SYN3: variants seen among roughly 807,000 people sequenced by gnomAD.
The protein encoded by SYN3 is synapsin-3.
In SYN3, 35 loss-of-function variants were observed where a neutral mutation model predicts 65.8. That is an observed-to-expected ratio of 0.53 (90% confidence interval 0.41 to 0.70). The LOEUF (loss-of-function observed/expected upper bound fraction) is 0.70. SYN3 is among the 30% of genes least tolerant of loss of function. The pLI, the probability that SYN3 is intolerant of heterozygous loss-of-function variation, is 0.00. For synonymous variants in SYN3, 270 were observed against 292.9 expected (o/e 0.92, Z 0.80); for missense variants, 680 against 749.0 (o/e 0.91, Z 1.08).
chr22:32,787,318 G>T (rs147481512), intron 6 of SYN3, among the ~76,000 whole-genome samples: 1 of 152,140 alleles, frequency 6.6e-6, no homozygotes, highest in Non-Finnish European at 1.5e-5. Flanking sequence ...AAAGTGCTGG[G>T]ATTACAGGCG....
intron 13 of SYN3, among the ~76,000 whole-genome samples, chr22:32,516,016 T>C (rs756346701): frequency 1.3e-5 from 2 of 152,138 alleles, no homozygotes; most frequent in South Asian, 2.1e-4. Context: ...GCCAGGATGG[T>C]CTCGATCTCC....
At chr22:32,599,612 C>T (rs1047107613) in intron 6 of SYN3, among the ~76,000 whole-genome samples, 7 of 152,104 alleles carry the variant, frequency 4.6e-5, no homozygotes, top group South Asian at 4.1e-4. Context: ...TGAGCCACTG[C>T]GCCGGAAGTC....
intron 6 of SYN3, among the ~76,000 whole-genome samples, chr22:32,645,735 C>T (rs1477578955): frequency 6.6e-6 from 1 of 152,092 alleles, no homozygotes; most frequent in East Asian, 1.9e-4. Context: ...GTTTCCAAAA[C>T]CCAAGTTCTT....
chr22:32,915,927 G>A (rs1055677463), intron 4 of SYN3, among the ~76,000 whole-genome samples: 1 of 152,154 alleles, frequency 6.6e-6, no homozygotes, highest in Admixed American at 6.5e-5. Flanking sequence ...CCACTGAGAG[G>A]TGGGGTGTCC....
chr22:32,989,856 G>GAAAATT (rs1569383699), intron 2 of SYN3, among the ~76,000 whole-genome samples: 1 of 142,400 alleles, frequency 7.0e-6, no homozygotes, highest in Non-Finnish European at 1.5e-5. Context: ...AAAAAAAAAG[G>GAAAATT]CATCAAACAC....
intron 13 of SYN3, 69 bp from the exon 14 acceptor site, chr22:32,513,893 C>CT (rs1172145898): frequency 3.6e-5 from 58 of 1,592,920 alleles, no homozygotes; most frequent in Non-Finnish European, 5.0e-5. Context: ...GTCTTGGGGG[C>CT]TTGCCTGTAA....
intron 6 of SYN3, among the ~76,000 whole-genome samples, chr22:32,708,018 C>T (rs2060903140): frequency 6.6e-6 from 1 of 152,236 alleles, no homozygotes; most frequent in Non-Finnish European, 1.5e-5. Context: ...CTTAGATGAT[C>T]TGCTCAGGAT....
At chr22:32,556,762 C>G (rs1755144965) in intron 7 of SYN3, among the ~76,000 whole-genome samples, 1 of 120,494 alleles carries the variant, frequency 8.3e-6, no homozygotes, top group Non-Finnish European at 1.7e-5. Flanking sequence ...TCCATATACC[C>G]AATGACCCAA....
intron 6 of SYN3, among the ~76,000 whole-genome samples, chr22:32,613,481 G>T (rs966055749): frequency 3.9e-5 from 6 of 152,134 alleles, no homozygotes; most frequent in Non-Finnish European, 5.9e-5. Context: ...GGGAAGCTTT[G>T]AGACCTGGAG....
intron 6 of SYN3, among the ~76,000 whole-genome samples, chr22:32,681,965 T>C (rs1202953230): frequency 4.6e-5 from 4 of 86,630 alleles, no homozygotes; most frequent in Non-Finnish European, 1.3e-4. Context: ...ATGATGGTGA[T>C]GTTTGAGCCG....
intron 6 of SYN3, among the ~76,000 whole-genome samples, chr22:32,598,211 C>G (rs968317534): frequency 1.3e-5 from 2 of 152,296 alleles, no homozygotes; most frequent in Non-Finnish European, 1.5e-5. Flanking sequence ...TGTCTCTTGC[C>G]TGGTCTGTCC....
chr22:33,016,702 CTTTT>C (rs1474155588), intron 1 of SYN3, among the ~76,000 whole-genome samples: 1 of 152,042 alleles, frequency 6.6e-6, no homozygotes, highest in Non-Finnish European at 1.5e-5. Flanking sequence ...TGTATGTCTT[CTTTT>C]GAGAAATGTC....
At position 32,590,542 on chromosome 22, in the gene SYN3, T is replaced by TAA. The variant is rs34374088; in HGVS notation, c.774+6130_774+6131dup. On this transcript the variant is annotated intron_variant, in intron 7 of 13. Coordinates refer to ENST00000358763, the MANE Select transcript of SYN3 (RefSeq NM_003490.4). ...TGCATGTATTTAGGTCAGGTATACC[T>TAA]AAAATAACTCCTGTGCGATCAGCTT... Among the ~76,000 whole-genome samples the TAA allele has an allele frequency of 3.3e-4, 50 of 152,356 alleles. No homozygotes were observed. The South Asian group carries it at 3.7e-3, about 11-fold the overall frequency.
chr22:32,964,419 TA>T (rs201659599), intron 3 of SYN3, among the ~76,000 whole-genome samples: 18,674 of 128,674 alleles, frequency 0.15, 1,271 homozygotes, highest in South Asian at 0.29. Context: ...TAAAGTATAA[TA>T]AAAAAAAAAA....
At chr22:32,876,882 C>T (rs886761703) in intron 4 of SYN3, among the ~76,000 whole-genome samples, 5 of 152,142 alleles carry the variant, frequency 3.3e-5, no homozygotes, top group South Asian at 2.1e-4. Context: ...TTCATTATAT[C>T]GCAGTTTGTG....
chr22:32,760,724 G>A (rs568348299), intron 6 of SYN3, among the ~76,000 whole-genome samples: 1 of 152,304 alleles, frequency 6.6e-6, no homozygotes, highest in African/African-American at 2.4e-5. Context: ...GCGGTGTAAA[G>A]ACAGACAGGG....
intron 6 of SYN3, among the ~76,000 whole-genome samples, chr22:32,689,064 A>G (rs1451031526): frequency 6.6e-6 from 1 of 152,218 alleles, no homozygotes; most frequent in Non-Finnish European, 1.5e-5. Context: ...TAGGCAATCT[A>G]AAAAATCATT....
At chr22:32,990,993 G>C (rs914499315) in intron 2 of SYN3, among the ~76,000 whole-genome samples, 1 of 152,084 alleles carries the variant, frequency 6.6e-6, no homozygotes, top group African/African-American at 2.4e-5. Flanking sequence ...AGTCCATCCT[G>C]GCCAACATAG....
chr22:32,731,274 C>T (rs1182954174), intron 6 of SYN3, among the ~76,000 whole-genome samples: 3 of 152,196 alleles, frequency 2.0e-5, no homozygotes, highest in African/African-American at 4.8e-5. Context: ...CTGGCCATTA[C>T]GGCTTCAGAT....
Sources: gnomAD v4.1 joint callset for allele counts (sites outside exome capture counted in the v4.1 genomes callset) on GRCh38, gnomAD v4.1.1 for gene constraint, MANE v1.5 for transcripts, NCBI Gene and HGNC (gene_info 2026-07-23, HGNC 2026-07-21) for gene names.